The following TM4SF20 variants were observed in gnomAD, a reference collection of about 807,000 sequenced individuals.
TM4SF20 encodes transmembrane 4 L six family member 20, also known as transmembrane 4 L6 family member 20.
TM4SF20 carries 13 observed loss-of-function variants against 15.1 expected under a neutral mutation model. The ratio of observed to expected loss-of-function variants is 0.86; its 90% CI spans 0.56 to 1.36. The LOEUF is 1.36. Ranked by LOEUF, TM4SF20 falls within the 40% of genes most tolerant of loss-of-function variation. The pLI is 0.00. For missense variants in TM4SF20, 282 were observed against 268.4 expected, an observed-to-expected ratio of 1.05 and a Z score of -0.35; for synonymous variants, 92 against 96.6, an observed-to-expected ratio of 0.95 and a Z score of 0.28.
chr2:227,365,732 A>G (rs1361002724), intron 3 of TM4SF20, among the ~76,000 whole-genome samples: 2 of 152,214 alleles, frequency 1.3e-5, no homozygotes, highest in African/African-American at 2.4e-5. Flanking sequence ...CATAAAGGGA[A>G]TCCCCTATTT....
rs370110647 is a variant in TM4SF20, at chr2:227,363,883, G to T, written c.531C>A (p.Phe177Leu). 10 of 1,613,958 alleles carry T rather than the reference G, an allele frequency of 6.2e-6. No homozygotes were observed. Among genetic ancestry groups the T allele is most frequent in the East Asian group, 2.2e-5 (1 of 44,884 alleles). ...ASGWRASSFH[F>L]DSEENKHRLI... ...GCCTATGTTTGTTTTCTTCAGAATC[G>T]AAGTGGAAACTAGATGCTCTCCAGC... Residue 177 changes from phenylalanine to leucine, a missense_variant, in exon 4 of 4, where the codon TTC (phenylalanine) becomes TTA (leucine). Phe to Leu is a conservative substitution (Grantham distance 22). Transcript: ENST00000304568.
chr2:227,363,923 T>G lies in TM4SF20; in HGVS notation c.491A>C (p.Asp164Ala). 1 of 1,614,168 alleles carries G rather than the reference T, an allele frequency of 6.2e-7. No homozygotes were observed. The highest frequency in any genetic ancestry group is 1.7e-5 in the Admixed American group (1 of 60,024). The part of the protein sequence containing the change: ...PTGFNKPTSN[D>A]TMASGWRASS... ...TGCTCTCCAGCCACTCGCCATGGTG[T>G]CGTTACTGGTGGGTTTATTGAAACC... Residue 164 changes from aspartate (D) to alanine (A), a missense_variant, in exon 4 of 4, where the codon GAC (aspartate) becomes GCC (alanine). Transcript: ENST00000304568.
Position 227,362,945 on chromosome 2 carries a change from A to G in TM4SF20, c.*779T>C, listed in dbSNP as rs2076370114. The G allele has an allele frequency of 6.6e-6, 1 of 152,146 alleles. No homozygotes were observed. The highest frequency in any genetic ancestry group is 6.5e-5 in the Admixed American group (1 of 15,278). The allele number at this position is 152,146 out of a possible 1,614,324, so 9.4% of individuals were successfully genotyped here. On this transcript the variant is annotated 3_prime_UTR_variant, in exon 4 of 4. Transcript: ENST00000304568. Reference sequence around the variant, plus strand: ...CATGCCTCTATTCTCTTAATCTATAACAGTTCCCTCAAAAATATTTTTCTT... The same window carrying G: ...CATGCCTCTATTCTCTTAATCTATAGCAGTTCCCTCAAAAATATTTTTCTT...
chr2:227,376,299 T>G (rs780052210), intron 1 of TM4SF20, among the ~76,000 whole-genome samples: 8 of 151,844 alleles, frequency 5.3e-5, no homozygotes, highest in Non-Finnish European at 1.0e-4. Context: ...GTGTAGTTAC[T>G]AGTATATTGA....
In TM4SF20 at chr2:227,379,257, G is replaced by T. The variant is rs376052845; in HGVS notation, c.12C>A (p.Cys4Ter). 4 of 1,613,738 alleles carry T rather than the reference G, an allele frequency of 2.5e-6. No homozygotes were observed. The highest frequency in any genetic ancestry group is 2.2e-5 in the East Asian group (1 of 44,902). MTC[C>*]EGWTSCNGFS... is the part of the protein sequence containing the mutation. ...ATCCATTGCAGGATGTCCATCCTTC[G>T]CAGCAGGTCATGGTCACCCCTGGCT... The change falls in exon 1 of 4, where the codon TGC becomes TGA. Residue 4 changes from cysteine (C) to a stop codon, truncating the protein, a stop_gained. Transcript: ENST00000304568. LOFTEE classifies it high-confidence loss of function.
At chr2:227,372,174 C>T (rs888928885) in intron 1 of TM4SF20, among the ~76,000 whole-genome samples, 2 of 152,136 alleles carry the variant, frequency 1.3e-5, no homozygotes, top group East Asian at 1.9e-4. Context: ...CGAGCTCTGG[C>T]GAATGCCAGA....
intron 1 of TM4SF20, among the ~76,000 whole-genome samples, chr2:227,378,594 A>G (rs10194837): frequency 0.081 from 12,215 of 151,706 alleles, 727 homozygotes; most frequent in African/African-American, 0.17. Context: ...TCTTAGCCCA[A>G]CTCCCTTCAG....
intron 1 of TM4SF20, among the ~76,000 whole-genome samples, chr2:227,378,632 G>A (rs1440008808): frequency 3.9e-5 from 6 of 152,142 alleles, no homozygotes; most frequent in East Asian, 1.9e-4. Flanking sequence ...TTCATGCCTC[G>A]TAATTACCAT....
rs1243331457 is a variant in TM4SF20, at chr2:227,363,169, C to T, written c.*555G>A. On this transcript the variant is annotated 3_prime_UTR_variant, in exon 4 of 4. Coordinates refer to ENST00000304568, the MANE Select transcript of TM4SF20 (RefSeq NM_024795.4). ...ATGGCTCATGCCTGTAATCGCAGCA[C>T]TTTAGGAGGCTGAGGCAGGCAGATC... 6.6e-6 allele frequency: 1 copy of T among 152,266 alleles called. No homozygotes were observed. Among genetic ancestry groups the T allele is most frequent in the Non-Finnish European group, 1.5e-5 (1 of 68,172 alleles). 9.4% of individuals were successfully genotyped at this position (152,266 alleles called of 1,614,324 possible).
intron 2 of TM4SF20, among the ~76,000 whole-genome samples, chr2:227,366,859 G>A (rs976262554): frequency 1.4e-5 from 2 of 146,134 alleles, no homozygotes; most frequent in Non-Finnish European, 3.0e-5. Context: ...CCTGTTTTAT[G>A]TACTTCCTAC....
At chr2:227,365,112 T>G (rs1372028566) in intron 3 of TM4SF20, among the ~76,000 whole-genome samples, 1 of 152,222 alleles carries the variant, frequency 6.6e-6, no homozygotes, top group Admixed American at 6.5e-5. Context: ...AGTTTCACCA[T>G]GTTGACCAGG....
At chr2:227,378,309 A>G (rs892490257) in intron 1 of TM4SF20, among the ~76,000 whole-genome samples, 2 of 152,196 alleles carry the variant, frequency 1.3e-5, no homozygotes, top group Non-Finnish European at 2.9e-5. Context: ...CATATTTGAA[A>G]GCCGTTTTCC....
upstream of TM4SF20, chr2:227,379,362 TA>T (rs1249251701): frequency 1.8e-6 from 2 of 1,120,830 alleles, no homozygotes; most frequent in Admixed American, 4.7e-5. Context: ...AATTTAACGC[TA>T]ATAAAAAATG....
Position 227,363,758 on chromosome 2 carries a change from CACAG to C in TM4SF20, c.652_655del (p.Leu218ValfsTer22), listed in dbSNP as rs1228464400. On this transcript the variant is annotated frameshift_variant, in exon 4 of 4. Coordinates refer to ENST00000304568, the MANE Select transcript of TM4SF20 (RefSeq NM_024795.4). LOFTEE classifies it high-confidence loss of function. ...TTGACTTCTTCGCTTAGAGACTCCA[CACAG>C]ACAGCCAAGGAAACCGATGACTATC... 2 of 1,614,060 alleles carry C rather than the reference CACAG, an allele frequency of 1.2e-6. No individual in the cohort carries two copies. Among genetic ancestry groups the C allele is most frequent in the East Asian group, 2.2e-5 (1 of 44,888 alleles).
intron 3 of TM4SF20, among the ~76,000 whole-genome samples, chr2:227,365,431 A>T (rs148080295): frequency 6.6e-6 from 1 of 152,186 alleles, no homozygotes; most frequent in Admixed American, 6.5e-5. Flanking sequence ...TCAGTCACAG[A>T]ATGATGTACT....
chr2:227,376,478 A>G (rs1257035803), intron 1 of TM4SF20, among the ~76,000 whole-genome samples: 3 of 152,254 alleles, frequency 2.0e-5, no homozygotes, highest in African/African-American at 4.8e-5. Context: ...TTGTGGGCAT[A>G]GCCTCTGTCT....
intron 1 of TM4SF20, among the ~76,000 whole-genome samples, chr2:227,377,736 C>T (rs1320087815): frequency 2.0e-5 from 3 of 152,188 alleles, no homozygotes; most frequent in South Asian, 2.1e-4. Context: ...AACCAAAAAC[C>T]GCATGTTCTC....
intron 1 of TM4SF20, among the ~76,000 whole-genome samples, chr2:227,373,071 A>G: frequency 6.6e-6 from 1 of 151,756 alleles, no homozygotes; most frequent in Non-Finnish European, 1.5e-5. Flanking sequence ...CCCTATTCCT[A>G]CCTAGAGTTT....
rs574017024 is a variant in TM4SF20, at chr2:227,362,997, G to C, written c.*727C>G. ...TATAACATTTTCCTGTTGAAAATTGGGCCATTCTGTGCCCGCTGACCCACT... is the reference window on the plus strand; with the variant it reads ...TATAACATTTTCCTGTTGAAAATTGCGCCATTCTGTGCCCGCTGACCCACT... On this transcript the variant is annotated 3_prime_UTR_variant, in exon 4 of 4. Coordinates refer to ENST00000304568, the MANE Select transcript of TM4SF20 (RefSeq NM_024795.4). 1 of 152,092 alleles carries C rather than the reference G, an allele frequency of 6.6e-6. No homozygotes were observed. Among genetic ancestry groups the C allele is most frequent in the East Asian group, 1.9e-4 (1 of 5,180 alleles). 9.4% of individuals were successfully genotyped at this position (152,092 alleles called of 1,614,324 possible).
Sources: allele counts gnomAD v4.1 joint callset (sites outside exome capture counted in the v4.1 genomes callset), GRCh38; gene constraint gnomAD v4.1.1; transcripts MANE v1.5; gene names NCBI Gene and HGNC (gene_info 2026-07-23, HGNC 2026-07-21).